SAMD12: variants seen among roughly 807,000 people sequenced by gnomAD.
The protein encoded by SAMD12 is sterile alpha motif domain containing 12, also known as sterile alpha motif domain-containing protein 12.
A neutral mutation model predicts 15.0 loss-of-function variants in SAMD12; 9 were observed. The observed-to-expected ratio is 0.60, with a 90% CI of 0.36 to 1.05. The LOEUF (loss-of-function observed/expected upper bound fraction) is 1.05, where lower values mean the gene tolerates loss of function less well. SAMD12 is among the 50% of genes least tolerant of loss of function. The pLI, the probability that SAMD12 is intolerant of heterozygous loss-of-function variation, is 0.01. For synonymous variants in SAMD12, 86 were observed against 90.1 expected (o/e 0.96, Z 0.25); for missense variants, 230 against 234.2 (o/e 0.98, Z 0.12).
At chr8:118,618,448 T>C (rs563073888) in intron 1 of SAMD12, among the ~76,000 whole-genome samples, 8 of 152,272 alleles carry the variant, frequency 5.3e-5, no homozygotes, top group Non-Finnish European at 1.2e-4. Flanking sequence ...ACATGCCAAA[T>C]AGTATAGCTT....
intron 2 of SAMD12, among the ~76,000 whole-genome samples, chr8:118,565,460 G>A (rs887832981): frequency 2.0e-5 from 3 of 152,226 alleles, no homozygotes; most frequent in Non-Finnish European, 4.4e-5. Flanking sequence ...AGCACCAGCA[G>A]GGGCAGGGAA....
intron 2 of SAMD12, among the ~76,000 whole-genome samples, chr8:118,442,314 T>C (rs1586720668): frequency 2.0e-5 from 3 of 152,316 alleles, no homozygotes; most frequent in East Asian, 3.9e-4. Flanking sequence ...TTCACAGACA[T>C]AGCTTGCTAT....
chr8:118,489,551 C>G (rs2515043), intron 2 of SAMD12, among the ~76,000 whole-genome samples: 3 of 152,008 alleles, frequency 2.0e-5, no homozygotes, highest in East Asian at 3.9e-4. Flanking sequence ...CTTCTTCCCC[C>G]CTTAAAGATC....
rs139025273 is a variant in SAMD12 at position 118,541,209 on chromosome 8, C to G, written c.192+39506G>C. Among the ~76,000 whole-genome samples the G allele has an allele frequency of 1.7e-3, 253 of 152,286 alleles. 1 individual carries two copies. Among genetic ancestry groups the G allele is most frequent in the African/African-American group, 4.7e-3 (196 of 41,566 alleles). On this transcript the variant is annotated intron_variant, in intron 2 of 3. Coordinates refer to ENST00000314727, the MANE Select transcript of SAMD12 (RefSeq NM_207506.3). The stretch of plus-strand genomic sequence containing the variant: ...TGAGCCCACTTTTCTGATGAGGCAA[C>G]TGGGGCTCTGAGTTTAAGCCACTGT...
At chr8:118,239,424 A>G (rs372880392) in intron 4 of SAMD12, among the ~76,000 whole-genome samples, 17 of 152,186 alleles carry the variant, frequency 1.1e-4, no homozygotes, top group African/African-American at 3.9e-4. Flanking sequence ...GACAATAATA[A>G]CAAAACTACC....
rs1422919625 is a variant in SAMD12 at position 118,342,115 on chromosome 8, C to A, written c.433+37445G>T. Reference sequence around the variant, plus strand: ...GACCAGCCCGGCCAACATGGCAAAACCCCGTCTCTACTAAAAATACAAAAA... The same window carrying A: ...GACCAGCCCGGCCAACATGGCAAAAACCCGTCTCTACTAAAAATACAAAAA... On this transcript the variant is annotated intron_variant, in intron 4 of 4. Transcript: ENST00000409003. 2.0e-5 allele frequency among the ~76,000 whole-genome samples: 3 copies of A among 152,224 alleles called. No homozygotes were observed. In the East Asian group the frequency reaches 5.8e-4, roughly 29 times the overall value.
intron 2 of SAMD12, among the ~76,000 whole-genome samples, chr8:118,479,258 T>G (rs1211332666): frequency 6.6e-6 from 1 of 152,088 alleles, no homozygotes; most frequent in African/African-American, 2.4e-5. Flanking sequence ...GCACTGGCTG[T>G]TCCCCCCACA....
At chr8:118,532,529 G>A (rs1403640065) in intron 2 of SAMD12, among the ~76,000 whole-genome samples, 6 of 152,116 alleles carry the variant, frequency 3.9e-5, no homozygotes, top group African/African-American at 1.4e-4. Context: ...GCTCCTCTTT[G>A]TACCTCTGGT....
chr8:118,602,765 A>G (rs1827891485), intron 1 of SAMD12, among the ~76,000 whole-genome samples: 1 of 152,190 alleles, frequency 6.6e-6, no homozygotes, highest in African/African-American at 2.4e-5. Flanking sequence ...TCATACCTAG[A>G]GAGCTTTCAA....
intron 2 of SAMD12, among the ~76,000 whole-genome samples, chr8:118,503,944 A>G (rs1824854794): frequency 6.6e-6 from 1 of 152,214 alleles, no homozygotes; most frequent in African/African-American, 2.4e-5. Context: ...CTGCTTATTT[A>G]ACCTCTTTTT....
chr8:118,549,586 CAG>C (rs954104460), intron 2 of SAMD12, among the ~76,000 whole-genome samples: 22 of 152,174 alleles, frequency 1.4e-4, no homozygotes, highest in African/African-American at 5.1e-4. Context: ...GGGGAAAAAA[CAG>C]AGCAGAAAAA....
At chr8:118,399,451 C>T (rs1292131740) in intron 3 of SAMD12, among the ~76,000 whole-genome samples, 4 of 152,088 alleles carry the variant, frequency 2.6e-5, no homozygotes, top group African/African-American at 9.7e-5. Flanking sequence ...CTAAGAAGAG[C>T]CACCTTGCTC....
the SAMD12 span, among the ~76,000 whole-genome samples, chr8:118,137,856 C>CG: frequency 2.0e-5 from 3 of 152,080 alleles, no homozygotes; most frequent in African/African-American, 7.2e-5. Context: ...GGGCCACATA[C>CG]GGCTGTGGGT....
chr8:118,180,860 A>C, the SAMD12 span, among the ~76,000 whole-genome samples: 1 of 152,008 alleles, frequency 6.6e-6, no homozygotes, highest in African/African-American at 2.4e-5. Context: ...TGCACCCAAC[A>C]TCATGCCCTT....
At chr8:118,276,311 A>G (rs962393953) in intron 4 of SAMD12, among the ~76,000 whole-genome samples, 15 of 152,272 alleles carry the variant, frequency 9.9e-5, no homozygotes, top group Non-Finnish European at 1.8e-4. Context: ...CAGTACACAT[A>G]AATTCAACAT....
intron 4 of SAMD12, among the ~76,000 whole-genome samples, chr8:118,320,553 C>T (rs1261454768): frequency 6.7e-6 from 1 of 150,256 alleles, no homozygotes; most frequent in Non-Finnish European, 1.5e-5. Context: ...AAATCATTGA[C>T]CAAAATAGTT....
intron 3 of SAMD12, among the ~76,000 whole-genome samples, chr8:118,428,789 A>G (rs548183975): frequency 3.3e-5 from 5 of 152,268 alleles, no homozygotes; most frequent in African/African-American, 7.2e-5. Flanking sequence ...TTGTTCTACT[A>G]TTATAATCTA....
intron 3 of SAMD12, among the ~76,000 whole-genome samples, chr8:118,413,603 T>C (rs1821534554): frequency 6.6e-6 from 1 of 152,192 alleles, no homozygotes; most frequent in Non-Finnish European, 1.5e-5. Context: ...TGTAGATTGC[T>C]TTGAGATCTA....
At chr8:118,490,937 A>G (rs988479709) in intron 2 of SAMD12, among the ~76,000 whole-genome samples, 15 of 46,998 alleles carry the variant, frequency 3.2e-4, no homozygotes, top group East Asian at 2.8e-3. Flanking sequence ...AGAAGTGGGA[A>G]AAAAAAAAAA....
Sources: gnomAD v4.1 joint callset for allele counts (sites outside exome capture counted in the v4.1 genomes callset) on GRCh38, gnomAD v4.1.1 for gene constraint, MANE v1.5 for transcripts, NCBI Gene and HGNC (gene_info 2026-07-23, HGNC 2026-07-21) for gene names.